The following MARK4 variants were observed in gnomAD, a reference collection of about 807,000 sequenced individuals.
MARK4 encodes the protein MAP/microtubule affinity-regulating kinase 4.
A neutral mutation model predicts 81.5 loss-of-function variants in MARK4; 19 were observed. The ratio of observed to expected loss-of-function variants is 0.23; its 90% CI spans 0.16 to 0.34. The LOEUF is 0.34. Among genes scored for constraint, MARK4 ranks in the 10% least tolerant of loss-of-function variants. MARK4 has a pLI of 1.00. For missense variants in MARK4, 772 were observed against 1,058.8 expected, an observed-to-expected ratio of 0.73 and a Z score of 3.76; for synonymous variants, 436 against 439.0, an observed-to-expected ratio of 0.99 and a Z score of 0.08.
At position 45,287,599 on chromosome 19, in the gene MARK4, A is replaced by C; in HGVS notation, c.1429A>C (p.Ser477Arg). 1 of 1,598,006 alleles carries C rather than the reference A, an allele frequency of 6.3e-7. No individual in the cohort carries two copies. The highest frequency in any genetic ancestry group is 8.6e-7 in the Non-Finnish European group (1 of 1,169,056). Residue 477 changes from serine (S) to arginine (R), a missense_variant, in exon 13 of 17, where the codon AGC becomes CGC. By Grantham distance (110) the Ser-to-Arg change is moderately radical. This residue lies in a region of MARK4 where 548 missense variants were observed against 624.3 expected (regional missense o/e 0.88). Coordinates refer to ENST00000262891, the MANE Select transcript of MARK4 (RefSeq NM_001199867.2). ...GCTGCCCCCCTCCAGCCCCATGGTC[A>C]GCAGCGCCCACAACCCCAACAAGGC... ...RGLPPSSPMV[S>R]SAHNPNKAEI...
chr19:45,283,409 C>CAA (rs869039919), intron 12 of MARK4, among the ~76,000 whole-genome samples: 17 of 86,398 alleles, frequency 2.0e-4, no homozygotes, highest in Admixed American at 5.8e-4. Flanking sequence ...GACTTCCTCT[C>CAA]AAAAAAAAAA....
chr19:45,288,521 C>T (rs1435921393), intron 13 of MARK4: 1 of 145,262 alleles, frequency 6.9e-6, no homozygotes, highest in Non-Finnish European at 1.5e-5. Context: ...CTACTGCACT[C>T]CAGGATAGGT....
rs911207807 is a variant in MARK4 at position 45,302,636 on chromosome 19, T to C, written c.2185T>C (p.Phe729Leu). ...CCGGCCAGGCTTGCGGGGAGTTCTC[T>C]TCCGCCGTGTGGCGGGCACCGCCCT... ...LPRPGLRGVLFRRVAGTALAF... is the reference protein window; with the variant it reads ...LPRPGLRGVLLRRVAGTALAF... The change falls in exon 17 of 17, where the codon TTC becomes CTC. Residue 729 changes from phenylalanine to leucine, a missense_variant. Physicochemically the swap from Phe to Leu is conservative, Grantham distance 22. Coordinates refer to ENST00000262891, the MANE Select transcript of MARK4 (RefSeq NM_001199867.2). This position sits in a 1 kb window ranked among gnomAD's most constrained non-coding sequence, Gnocchi z 4.9. 1.3e-6 allele frequency: 2 copies of C among 1,543,224 alleles called. No individual in the cohort carries two copies. Among genetic ancestry groups the C allele is most frequent in the Non-Finnish European group, 1.7e-6 (2 of 1,150,878 alleles).
chr19:45,289,498 C>T (rs530082974), intron 13 of MARK4, among the ~76,000 whole-genome samples: 13 of 151,810 alleles, frequency 8.6e-5, no homozygotes, highest in African/African-American at 1.5e-4. Context: ...TGGCTGGGCA[C>T]GGTGGCTCAT....
chr19:45,286,158 C>T (rs761486386), intron 12 of MARK4, among the ~76,000 whole-genome samples: 12 of 152,034 alleles, frequency 7.9e-5, no homozygotes, highest in Non-Finnish European at 1.6e-4. Context: ...CAGGTTCAAG[C>T]GATTCTCCTG....
At chr19:45,298,764 C>T (rs11672923) in intron 15 of MARK4, among the ~76,000 whole-genome samples, 36,318 of 151,712 alleles carry the variant, frequency 0.24, 4,852 homozygotes, top group South Asian at 0.31. Flanking sequence ...CTAGGTAGTG[C>T]GAAGTAACTA....
chr19:45,280,262 A>T, intron 10 of MARK4, 112 bp from the exon 11 acceptor site: 1 of 907,510 alleles, frequency 1.1e-6, no homozygotes, highest in Non-Finnish European at 1.8e-6. Flanking sequence ...TGACCGTGCC[A>T]CTGCACTCCA....
chr19:45,251,573 C>T lies in MARK4; in HGVS notation c.-16C>T. 1 of 1,385,886 alleles carries T rather than the reference C, an allele frequency of 7.2e-7. No homozygotes were observed. The highest frequency in any genetic ancestry group is 9.4e-7 in the Non-Finnish European group (1 of 1,064,832). The allele number at this position is 1,385,886 out of a possible 1,614,324, so 85.8% of individuals were successfully genotyped here. On this transcript the variant is annotated 5_prime_UTR_variant, in exon 1 of 17. Coordinates refer to ENST00000262891, the MANE Select transcript of MARK4 (RefSeq NM_001199867.2). ...CCCCCCACCCGGCCGCCCCTGCCCC[C>T]CGGGACCCGGAGAAGATGTCTTCGC...
Position 45,280,680 on chromosome 19 carries a change from G to A in MARK4, c.1222G>A (p.Gly408Arg), listed in dbSNP as rs1442561413. The change falls in exon 12 of 17, where the codon GGG becomes AGG. Residue 408 changes from glycine to arginine, a missense_variant. Physicochemically the swap from Gly to Arg is moderately radical, Grantham distance 125. Around this residue, in one of 3 missense-constraint regions of MARK4, gnomAD observed 548 missense variants for 624.3 expected, o/e 0.88. Transcript: ENST00000262891. ...SSSKGTSHSKGQRSSSSTYHR... is the reference protein window; with the variant it reads ...SSSKGTSHSKRQRSSSSTYHR... ...CAGCAAAGGCACCAGCCACAGCAAA[G>A]GGCAGCGGAGTTCCTCTTCCACCTA... 1 of 1,614,192 alleles carries A rather than the reference G, an allele frequency of 6.2e-7. No individual in the cohort carries two copies. The highest frequency in any genetic ancestry group is 2.2e-5 in the East Asian group (1 of 44,874).
At chr19:45,301,483 G>A (rs1346560556) in intron 16 of MARK4, among the ~76,000 whole-genome samples, 3 of 147,718 alleles carry the variant, frequency 2.0e-5, no homozygotes, top group Non-Finnish European at 4.5e-5. Context: ...CTTGAACCCG[G>A]GAAGCAGAGG....
At position 45,271,359 on chromosome 19, in the gene MARK4, A is replaced by G. The variant is rs113556403; in HGVS notation, c.550-113A>G. The G allele has an allele frequency of 4.1e-5, 41 of 999,660 alleles. 1 individual carries two copies. The African/African-American group carries it at 4.2e-4, about 10-fold the overall frequency. 61.9% of individuals were successfully genotyped at this position (999,660 alleles called of 1,614,324 possible). On this transcript the variant is annotated intron_variant, in intron 7 of 16. Coordinates refer to ENST00000262891, the MANE Select transcript of MARK4 (RefSeq NM_001199867.2). The surrounding 1 kb of genome is among the most constrained non-coding windows in gnomAD (Gnocchi z 4.1). ...AGGTAGAGAGTAAAGGACAGGCCCA[A>G]GAGTTGATCCCTGTGGGCCAGCCCT...
chr19:45,279,495 C>T (rs982166519), intron 10 of MARK4, among the ~76,000 whole-genome samples: 1 of 152,056 alleles, frequency 6.6e-6, no homozygotes, highest in South Asian at 2.1e-4. Context: ...CCACCCTGGG[C>T]GACAAGCAAA....
chr19:45,257,648 GC>G lies in MARK4; in HGVS notation c.52-1340del, dbSNP rs1568489495. On this transcript the variant is annotated intron_variant, in intron 1 of 16. Coordinates refer to ENST00000262891, the MANE Select transcript of MARK4 (RefSeq NM_001199867.2). ...TCCACCTGCCTTGGCCTCCCAAAGT[GC>G]TGGGATTACAGGCGTGAGCCACCTC... Among the ~76,000 whole-genome samples, 108 of 150,298 alleles carry G rather than the reference GC, an allele frequency of 7.2e-4. 1 individual carries two copies. Among genetic ancestry groups the G allele is most frequent in the Non-Finnish European group, 1.0e-3 (69 of 67,790 alleles).
intron 13 of MARK4, among the ~76,000 whole-genome samples, chr19:45,288,724 C>T (rs1234500866): frequency 1.3e-5 from 2 of 151,752 alleles, no homozygotes; most frequent in African/African-American, 4.8e-5. Flanking sequence ...GTGGCATGCA[C>T]CTGTAGTCCC....
At chr19:45,295,981 A>G (rs897215285) in intron 14 of MARK4, among the ~76,000 whole-genome samples, 4 of 152,144 alleles carry the variant, frequency 2.6e-5, no homozygotes, top group African/African-American at 7.2e-5. Flanking sequence ...TTCTATGTCT[A>G]TTGCCTGGCT....
intron 8 of MARK4, 58 bp from the exon 9 acceptor site, chr19:45,277,864 TG>T: frequency 1.4e-6 from 2 of 1,400,976 alleles, no homozygotes; most frequent in Non-Finnish European, 2.0e-6. Context: ...TGTGTGTGTG[TG>T]TGTGTAATAG....
intron 13 of MARK4, 84 bp from the exon 14 acceptor site, chr19:45,294,262 CGAT>C (rs1211725048): frequency 1.8e-5 from 23 of 1,263,922 alleles, no homozygotes; most frequent in Non-Finnish European, 2.4e-5. Flanking sequence ...ACTTATTCAT[CGAT>C]GGGGAGGGCA....
intron 8 of MARK4, among the ~76,000 whole-genome samples, chr19:45,273,920 C>T (rs944181628): frequency 2.2e-4 from 33 of 152,256 alleles, no homozygotes; most frequent in African/African-American, 8.0e-4. Context: ...CTCTAAGCCT[C>T]AGTCTCACCT....
At chr19:45,290,870 G>A (rs1970811646) in intron 13 of MARK4, among the ~76,000 whole-genome samples, 1 of 152,202 alleles carries the variant, frequency 6.6e-6, no homozygotes, top group African/African-American at 2.4e-5. Context: ...ACAGGGAGGG[G>A]AGTGGAATGT....
Sources: allele counts gnomAD v4.1 joint callset (sites outside exome capture counted in the v4.1 genomes callset), GRCh38; gene constraint gnomAD v4.1.1; regional missense constraint gnomAD v4.1.1; non-coding constraint Gnocchi (gnomAD v3.1); transcripts MANE v1.5; gene names NCBI Gene and HGNC (gene_info 2026-07-23, HGNC 2026-07-21).